IPCEF1: variants seen among roughly 807,000 people sequenced by gnomAD.
IPCEF1 encodes interaction protein for cytohesin exchange factors 1.
IPCEF1 carries 31 observed loss-of-function variants against 50.9 expected under a neutral mutation model. That is an observed-to-expected ratio of 0.61 (90% CI 0.46 to 0.82). IPCEF1 has a LOEUF of 0.82. IPCEF1 is among the 40% of genes least tolerant of loss of function. The pLI, the probability that IPCEF1 is intolerant of heterozygous loss-of-function variation, is 0.00. For synonymous variants in IPCEF1, 181 were observed against 192.0 expected (o/e 0.94, Z 0.47); for missense variants, 458 against 514.0 (o/e 0.89, Z 1.05).
In IPCEF1 at chr6:154,168,875, G is replaced by A. The variant is rs1363740155; in HGVS notation, c.911-762C>T. 6.6e-6 allele frequency among the ~76,000 whole-genome samples: 1 copy of A among 151,922 alleles called. No individual in the cohort carries two copies. The highest frequency in any genetic ancestry group is 1.9e-4 in the East Asian group (1 of 5,130). ...CCCACCTTGGCCTCCCAAAGTGCTG[G>A]GATTACAGGTGTGAGCCACCACGCC... is the stretch of plus-strand genomic sequence containing the variant. On this transcript the variant is annotated intron_variant, in intron 10 of 11. Transcript: ENST00000367220. This position sits in a 1 kb window ranked among gnomAD's most constrained non-coding sequence, Gnocchi z 4.1.
intron 5 of IPCEF1, among the ~76,000 whole-genome samples, chr6:154,230,691 T>C (rs1351933280): frequency 6.6e-6 from 1 of 152,158 alleles, no homozygotes; most frequent in Non-Finnish European, 1.5e-5. Context: ...AAAGTAATAT[T>C]ATATCTCTAT....
intron 1 of IPCEF1, among the ~76,000 whole-genome samples, chr6:154,298,442 A>T (rs948664735): frequency 1.3e-5 from 2 of 152,246 alleles, no homozygotes; most frequent in Non-Finnish European, 2.9e-5. Flanking sequence ...CAGCAGTTTC[A>T]CTTTGACTTT....
At chr6:154,346,940 T>A (rs1784042329) in intron 1 of IPCEF1, among the ~76,000 whole-genome samples, 2 of 152,208 alleles carry the variant, frequency 1.3e-5, no homozygotes, top group South Asian at 4.1e-4. Flanking sequence ...TATTTTTTAA[T>A]CTCTGTTTTC....
Position 154,161,329 on chromosome 6 carries a change from A to G in IPCEF1, c.1105-1289T>C, listed in dbSNP as rs190544946. On this transcript the variant is annotated intron_variant, in intron 11 of 11. Transcript: ENST00000367220. ...AGGTTCAAGCGATTCTCCTGCATCA[A>G]CCTCCCAAGTAGCTGGGATTACAGG... 1.9e-4 allele frequency among the ~76,000 whole-genome samples: 28 copies of G among 151,210 alleles called. No individual in the cohort carries two copies. In the East Asian group the frequency reaches 5.5e-3, roughly 29 times the overall value.
At chr6:154,284,595 G>A (rs1408229914) in intron 2 of IPCEF1, among the ~76,000 whole-genome samples, 1 of 152,164 alleles carries the variant, frequency 6.6e-6, no homozygotes, top group Non-Finnish European at 1.5e-5. Flanking sequence ...TATTGACATG[G>A]TGGTGTTGCA....
intron 2 of IPCEF1, among the ~76,000 whole-genome samples, chr6:154,269,350 G>A (rs543152234): frequency 2.0e-5 from 3 of 152,150 alleles, no homozygotes; most frequent in Non-Finnish European, 4.4e-5. Context: ...GAAATAATAC[G>A]CAGTCACTGG....
At chr6:154,177,925 G>C (rs549592405) in intron 10 of IPCEF1, among the ~76,000 whole-genome samples, 2 of 152,178 alleles carry the variant, frequency 1.3e-5, no homozygotes. Flanking sequence ...TAAAGACAAT[G>C]TGTCACATAT....
chr6:154,292,653 A>G (rs1782543025), intron 1 of IPCEF1, among the ~76,000 whole-genome samples: 1 of 152,182 alleles, frequency 6.6e-6, no homozygotes, highest in Non-Finnish European at 1.5e-5. Context: ...CTGTTGTCCA[A>G]ACTCTTTGCC....
chr6:154,192,578 CAG>C (rs758402381), intron 10 of IPCEF1, among the ~76,000 whole-genome samples: 1 of 151,926 alleles, frequency 6.6e-6, no homozygotes, highest in Non-Finnish European at 1.5e-5. Context: ...ACAAGCAACC[CAG>C]AGAGTGGGAG....
At chr6:154,265,860 A>T (rs373892936) in intron 3 of IPCEF1, 52 bp downstream of exon 3, 2 of 1,306,188 alleles carry the variant, frequency 1.5e-6, no homozygotes, top group Non-Finnish European at 2.1e-6. Context: ...TATTTTACTC[A>T]TTCATCAAAC....
At chr6:154,264,236 T>C (rs1237087317) in intron 3 of IPCEF1, among the ~76,000 whole-genome samples, 1 of 150,544 alleles carries the variant, frequency 6.6e-6, no homozygotes, top group Non-Finnish European at 1.5e-5. Context: ...CATGACTTCT[T>C]TTTTTTTAAA....
At chr6:154,208,662 T>C (rs902358833) in intron 9 of IPCEF1, among the ~76,000 whole-genome samples, 1 of 152,226 alleles carries the variant, frequency 6.6e-6, no homozygotes, top group African/African-American at 2.4e-5. Flanking sequence ...GACCAGGTTA[T>C]CTCATGATGC....
intron 7 of IPCEF1, among the ~76,000 whole-genome samples, chr6:154,218,371 T>C (rs1169334692): frequency 6.6e-6 from 1 of 152,220 alleles, no homozygotes; most frequent in African/African-American, 2.4e-5. Context: ...ACTTTTAAAT[T>C]GAGACTCACT....
At chr6:154,314,670 T>C (rs897256516) in intron 1 of IPCEF1, among the ~76,000 whole-genome samples, 1 of 152,304 alleles carries the variant, frequency 6.6e-6, no homozygotes, top group East Asian at 1.9e-4. Context: ...ATCTCCCCAA[T>C]TGATCTCAAG....
intron 5 of IPCEF1, among the ~76,000 whole-genome samples, chr6:154,236,675 T>G (rs917768181): frequency 6.6e-6 from 1 of 152,234 alleles, no homozygotes; most frequent in African/African-American, 2.4e-5. Flanking sequence ...GTGGCTGACC[T>G]GCTGTTAATG....
intron 1 of IPCEF1, among the ~76,000 whole-genome samples, chr6:154,303,856 G>C (rs1296688237): frequency 6.6e-6 from 1 of 152,204 alleles, no homozygotes; most frequent in Non-Finnish European, 1.5e-5. Flanking sequence ...GGGAGGTCAA[G>C]GCTGCAGTGA....
At position 154,168,715 on chromosome 6, in the gene IPCEF1, C is replaced by A. The variant is rs1562520665; in HGVS notation, c.911-602G>T. ...ACACCTCCCAGGTTCAAGTGATTCT[C>A]CTGTCTCAGCCTCCCAAGTAGCTGG... On this transcript the variant is annotated intron_variant, in intron 10 of 11. Coordinates refer to ENST00000367220, the MANE Select transcript of IPCEF1 (RefSeq NM_001130700.2). This position sits in a 1 kb window ranked among gnomAD's most constrained non-coding sequence, Gnocchi z 4.1. Among the ~76,000 whole-genome samples the A allele has an allele frequency of 2.6e-5, 4 of 152,082 alleles. No homozygotes were observed. The highest frequency in any genetic ancestry group is 6.5e-5 in the Admixed American group (1 of 15,276).
chr6:154,340,947 ATAT>A (rs1783903283), intron 1 of IPCEF1, among the ~76,000 whole-genome samples: 1 of 151,956 alleles, frequency 6.6e-6, no homozygotes, highest in East Asian at 1.9e-4. Flanking sequence ...GTATGTACAC[ATAT>A]TATATTTATA....
intron 9 of IPCEF1, among the ~76,000 whole-genome samples, chr6:154,211,049 A>T (rs1777916845): frequency 6.6e-6 from 1 of 152,168 alleles, no homozygotes; most frequent in Non-Finnish European, 1.5e-5. Flanking sequence ...CTGGTAAGTG[A>T]ATGAGCTACT....
Sources: gnomAD v4.1 joint callset for allele counts (sites outside exome capture counted in the v4.1 genomes callset) on GRCh38, gnomAD v4.1.1 for gene constraint, Gnocchi (gnomAD v3.1) non-coding constraint, MANE v1.5 for transcripts, NCBI Gene and HGNC (gene_info 2026-07-23, HGNC 2026-07-21) for gene names.